Variants in CALN1 observed in about 807,000 individuals in gnomAD.
CALN1 encodes the protein calcium-binding protein 8.
A neutral mutation model predicts 30.6 loss-of-function variants in CALN1; 17 were observed. The observed-to-expected ratio is 0.56, with a 90% CI of 0.38 to 0.83. The LOEUF is 0.83. CALN1 is among the 40% of genes least tolerant of loss of function. CALN1 has a pLI of 0.00. For synonymous variants in CALN1, 156 were observed against 131.4 expected, an observed-to-expected ratio of 1.19 and a Z score of -1.28; for missense variants, 291 against 354.9, an observed-to-expected ratio of 0.82 and a Z score of 1.45.
chr7:72,377,268 G>A lies in CALN1; in HGVS notation c.119+25983C>T, dbSNP rs1016259081. Among the ~76,000 whole-genome samples, 76 of 152,092 alleles carry A rather than the reference G, an allele frequency of 5.0e-4. 1 individual carries two copies. Among genetic ancestry groups the A allele is most frequent in the African/African-American group, 1.8e-3 (73 of 41,408 alleles). Reference sequence around the variant, plus strand: ...TGCATTGAGTCTGCAGGTCAATTTGGGGACTCTTGTCTTTAGCTTTTTTTT... The same window carrying A: ...TGCATTGAGTCTGCAGGTCAATTTGAGGACTCTTGTCTTTAGCTTTTTTTT... On this transcript the variant is annotated intron_variant, in intron 2 of 6. Coordinates refer to ENST00000395275, the MANE Select transcript of CALN1 (RefSeq NM_031468.4).
At chr7:72,344,967 TTATA>T (rs898397408) in intron 2 of CALN1, among the ~76,000 whole-genome samples, 2 of 147,548 alleles carry the variant, frequency 1.4e-5, no homozygotes, top group Admixed American at 6.8e-5. Flanking sequence ...GTATTTATAT[TTATA>T]TATAAATATT....
chr7:72,225,952 C>T (rs190344908), intron 3 of CALN1, among the ~76,000 whole-genome samples: 55 of 151,918 alleles, frequency 3.6e-4, no homozygotes, highest in Non-Finnish European at 5.9e-4. Context: ...AAAAATTAGC[C>T]GGGTGTGGTG....
intron 4 of CALN1, among the ~76,000 whole-genome samples, chr7:72,070,343 G>A (rs548730631): frequency 6.6e-6 from 1 of 152,312 alleles, no homozygotes; most frequent in South Asian, 2.1e-4. Context: ...GAGCAAGGCA[G>A]AATATATGAG....
At chr7:72,400,811 A>G (rs1165617963) in intron 2 of CALN1, among the ~76,000 whole-genome samples, 4 of 152,140 alleles carry the variant, frequency 2.6e-5, no homozygotes, top group East Asian at 3.9e-4. Flanking sequence ...ACTCCCATGG[A>G]TATCTCCCTA....
intron 3 of CALN1, among the ~76,000 whole-genome samples, chr7:72,149,746 A>T: frequency 6.6e-6 from 1 of 151,860 alleles, no homozygotes; most frequent in East Asian, 1.9e-4. Flanking sequence ...TTTTGCAAAA[A>T]CTCATTACCA....
intron 2 of CALN1, among the ~76,000 whole-genome samples, chr7:72,387,648 C>T (rs1239459195): frequency 6.6e-6 from 1 of 152,152 alleles, no homozygotes; most frequent in Non-Finnish European, 1.5e-5. Context: ...AGATGAATCC[C>T]ACTTGAGACA....
intron 5 of CALN1, among the ~76,000 whole-genome samples, chr7:71,851,982 G>A (rs948610991): frequency 4.5e-4 from 69 of 152,094 alleles, no homozygotes; most frequent in African/African-American, 1.5e-3. Context: ...TGCAGAACCC[G>A]AGGGACAGGA....
At chr7:72,425,622 T>C (rs1290044198) in intron 1 of CALN1, among the ~76,000 whole-genome samples, 1 of 152,208 alleles carries the variant, frequency 6.6e-6, no homozygotes, top group Admixed American at 6.5e-5. Context: ...CTAATGTTGA[T>C]TGACAGCTCC....
In CALN1 at chr7:72,381,278, C is replaced by T. The variant is rs548187149; in HGVS notation, c.119+21973G>A. 5.3e-5 allele frequency among the ~76,000 whole-genome samples: 8 copies of T among 152,240 alleles called. No homozygotes were observed. In the South Asian group the frequency reaches 1.0e-3, roughly 20 times the overall value. ...TCAACCATTATGGAAGACAGTGTGG[C>T]GATTCCTCAAGGATCGAGAACCAGA... On this transcript the variant is annotated intron_variant, in intron 2 of 6. Coordinates refer to ENST00000395275, the MANE Select transcript of CALN1 (RefSeq NM_031468.4).
intron 3 of CALN1, among the ~76,000 whole-genome samples, chr7:72,119,472 G>A (rs1261321243): frequency 6.6e-6 from 1 of 150,922 alleles, no homozygotes; most frequent in African/African-American, 2.4e-5. Context: ...ATTTGAGTGA[G>A]GACAAAACCA....
At chr7:71,805,638 T>C (rs2116123804) in intron 6 of CALN1, among the ~76,000 whole-genome samples, 1 of 152,240 alleles carries the variant, frequency 6.6e-6, no homozygotes, top group Admixed American at 6.5e-5. Context: ...TGACACACAC[T>C]CAGTGTTGAT....
At chr7:72,168,404 C>T (rs537054667) in intron 3 of CALN1, among the ~76,000 whole-genome samples, 3 of 152,138 alleles carry the variant, frequency 2.0e-5, no homozygotes, top group Non-Finnish European at 4.4e-5. Context: ...AAATTGCATG[C>T]ATACGTATTT....
intron 3 of CALN1, among the ~76,000 whole-genome samples, chr7:72,256,191 G>T (rs1334119937): frequency 2.0e-5 from 3 of 152,152 alleles, no homozygotes; most frequent in Non-Finnish European, 4.4e-5. Flanking sequence ...TGACACAGTG[G>T]CTCACACCTA....
chr7:72,039,849 C>T (rs1053659420), intron 4 of CALN1, among the ~76,000 whole-genome samples: 1 of 152,148 alleles, frequency 6.6e-6, no homozygotes, highest in African/African-American at 2.4e-5. Context: ...GAAGACCCCC[C>T]CAAGCAGGCT....
intron 2 of CALN1, among the ~76,000 whole-genome samples, chr7:72,293,823 A>C (rs1204608203): frequency 6.6e-6 from 1 of 152,178 alleles, no homozygotes; most frequent in Non-Finnish European, 1.5e-5. Context: ...CCGGCCAGGC[A>C]CGGTGGCTCA....
At chr7:72,425,363 C>T (rs1287692558) in intron 1 of CALN1, among the ~76,000 whole-genome samples, 2 of 152,222 alleles carry the variant, frequency 1.3e-5, no homozygotes, top group Non-Finnish European at 2.9e-5. Context: ...ATCCACCCAC[C>T]TCAGCCTCCC....
intron 5 of CALN1, among the ~76,000 whole-genome samples, chr7:71,987,233 G>A (rs1798721700): frequency 6.6e-6 from 1 of 152,234 alleles, no homozygotes; most frequent in Admixed American, 6.5e-5. Flanking sequence ...AGGGGCAACA[G>A]AAGGAAACAA....
intron 5 of CALN1, among the ~76,000 whole-genome samples, chr7:71,971,930 C>CAAAAAAAA (rs764756514): frequency 4.4e-4 from 17 of 38,538 alleles, no homozygotes; most frequent in Non-Finnish European, 6.9e-4. Context: ...GACCCTGTCT[C>CAAAAAAAA]AAAAAAAAAA....
chr7:72,309,990 G>A (rs958397708), intron 2 of CALN1, among the ~76,000 whole-genome samples: 3 of 151,988 alleles, frequency 2.0e-5, no homozygotes, highest in Non-Finnish European at 4.4e-5. Context: ...TGTTCACATC[G>A]GTCCGCCAGC....
Sources: gnomAD v4.1 joint callset for allele counts (sites outside exome capture counted in the v4.1 genomes callset) on GRCh38, gnomAD v4.1.1 for gene constraint, MANE v1.5 for transcripts, NCBI Gene and HGNC (gene_info 2026-07-23, HGNC 2026-07-21) for gene names.